The following CAMK2A variants were observed in gnomAD, a reference collection of about 807,000 sequenced individuals.
CAMK2A encodes calcium/calmodulin dependent protein kinase II alpha, also known as calcium/calmodulin-dependent protein kinase type II subunit alpha.
Under a neutral mutation model 79.2 loss-of-function variants are expected in CAMK2A, and 7 were observed. The observed-to-expected ratio is 0.09, with a 90% CI of 0.05 to 0.17. The LOEUF is 0.17. CAMK2A is among the 10% of genes least tolerant of loss of function. CAMK2A has a pLI of 1.00. For missense variants in CAMK2A, 214 were observed against 646.4 expected (o/e 0.33, Z 7.25); for synonymous variants, 242 against 251.7 (o/e 0.96, Z 0.36).
chr5:150,253,419 A>G, intron 7 of CAMK2A, 25 bp downstream of exon 7: 1 of 1,568,066 alleles, frequency 6.4e-7, no homozygotes, highest in Non-Finnish European at 8.8e-7. Context: ...GACCCCCAAC[A>G]CTTCTGCCAG....
chr5:150,252,696 T>C (rs1033193107), intron 7 of CAMK2A, among the ~76,000 whole-genome samples: 1 of 152,216 alleles, frequency 6.6e-6, no homozygotes. Flanking sequence ...TTAAGAACAC[T>C]TACAAGTTAC....
At position 150,223,189 on chromosome 5, in the gene CAMK2A, G is replaced by A. The variant is rs1197667614; in HGVS notation, c.1266C>T (p.His422=). ...GGATGTGGGGATTCAGGATGGTGGT[G>A]TGCACGGGCTTGCTGTTCCGGGACC... ...NLWSRNSKPV[H]TTILNPHIHL... The change falls in exon 18 of 19, where the codon CAC becomes CAT. Residue 422 remains histidine (H), a synonymous_variant. Transcript: ENST00000671881. The surrounding 1 kb of genome is among the most constrained non-coding windows in gnomAD (Gnocchi z 4.1). The A allele has an allele frequency of 9.9e-6, 16 of 1,613,836 alleles. No homozygotes were observed. Among genetic ancestry groups the A allele is most frequent in the East Asian group, 2.2e-5 (1 of 44,894 alleles).
At chr5:150,269,233 C>T (rs1756636763) in intron 2 of CAMK2A, among the ~76,000 whole-genome samples, 1 of 152,100 alleles carries the variant, frequency 6.6e-6, no homozygotes, top group Admixed American at 6.5e-5. Flanking sequence ...TGCTTCCTCC[C>T]CAGATGGTTG....
rs941182636 is a variant in CAMK2A at position 150,221,413 on chromosome 5, A to C, written c.*1297T>G. 5.0e-6 allele frequency: 2 copies of C among 398,770 alleles called. No homozygotes were observed. Among genetic ancestry groups the C allele is most frequent in the Non-Finnish European group, 8.8e-6 (2 of 226,084 alleles). The allele number at this position is 398,770 out of a possible 1,614,324, so 24.7% of individuals were successfully genotyped here. A position where few individuals can be genotyped will look rare whatever the true frequency, so the allele number is the denominator to read the frequency against. On this transcript the variant is annotated 3_prime_UTR_variant, in exon 19 of 19. Transcript: ENST00000671881. ...CCAAGGGGAGAGAGGCAATGAAGAC[A>C]CACGCTCACGGGCCCCCCAGAGGTG...
At chr5:150,242,526 G>A (rs74917812) in intron 13 of CAMK2A, among the ~76,000 whole-genome samples, 4,578 of 152,298 alleles carry the variant, frequency 0.03, 241 homozygotes, top group African/African-American at 0.1. Flanking sequence ...TAGGAGGAAT[G>A]TGTGCCTCCC....
intron 17 of CAMK2A, among the ~76,000 whole-genome samples, chr5:150,226,211 G>A (rs1051877159): frequency 3.3e-5 from 5 of 152,172 alleles, no homozygotes; most frequent in African/African-American, 7.2e-5. Flanking sequence ...TCCCAGTGGG[G>A]TTTGCTAATG....
chr5:150,239,278 C>G (rs921911898), intron 14 of CAMK2A, among the ~76,000 whole-genome samples: 1 of 152,170 alleles, frequency 6.6e-6, no homozygotes, highest in Non-Finnish European at 1.5e-5. Flanking sequence ...CACCGGCGGG[C>G]CTGGTAGCCT....
In CAMK2A at chr5:150,273,086, T is replaced by A. The variant is rs1356458925; in HGVS notation, c.136A>T (p.Thr46Ser). The A allele has an allele frequency of 6.2e-7, 1 of 1,613,530 alleles. No homozygotes were observed. The highest frequency in any genetic ancestry group is 8.5e-7 in the Non-Finnish European group (1 of 1,179,840). ...GQEYAAKIINTKKLSARDHQK... is the reference protein window; with the variant it reads ...GQEYAAKIINSKKLSARDHQK... Reference sequence around the variant, plus strand: ...CTACCTCTGGCTGACAGCTTCTTTGTGTTGATGATCTTGGCAGCATACTCC... The same window carrying A: ...CTACCTCTGGCTGACAGCTTCTTTGAGTTGATGATCTTGGCAGCATACTCC... The change falls in exon 2 of 19, where the codon ACA becomes TCA. Residue 46 changes from threonine (T) to serine (S), a missense_variant. Thr to Ser is a moderately conservative substitution (Grantham distance 58, BLOSUM62 1). This residue lies in a region of CAMK2A where 72 missense variants were observed against 333.9 expected (regional missense o/e 0.22). Transcript: ENST00000671881.
chr5:150,289,787 TGG>T, upstream of CAMK2A: 1 of 561,348 alleles, frequency 1.8e-6, no homozygotes. Context: ...CAGGGCACTG[TGG>T]CTGCTCACAG....
Position 150,221,873 on chromosome 5 carries a change from C to T in CAMK2A, c.*837G>A, listed in dbSNP as rs560119760. The T allele has an allele frequency of 7.7e-5, 27 of 350,446 alleles. No homozygotes were observed. Among genetic ancestry groups the T allele is most frequent in the South Asian group, 7.5e-4 (5 of 6,710 alleles). The allele number at this position is 350,446 out of a possible 1,614,324, so 21.7% of individuals were successfully genotyped here. ...TAGTTATTACATAAATATCCATTAA[C>T]GCGAAATCCATTTACGAAATACACA... is the stretch of plus-strand genomic sequence containing the variant. On this transcript the variant is annotated 3_prime_UTR_variant, in exon 19 of 19. Coordinates refer to ENST00000671881, the MANE Select transcript of CAMK2A (RefSeq NM_015981.4).
intron 17 of CAMK2A, among the ~76,000 whole-genome samples, chr5:150,225,750 TTATTA>T (rs1754571076): frequency 9.8e-5 from 4 of 40,988 alleles, no homozygotes; most frequent in African/African-American, 1.8e-4. Flanking sequence ...ATTATTATTA[TTATTA>T]TTTTTTTTAG....
chr5:150,288,840 G>A (rs1757543799), intron 1 of CAMK2A, among the ~76,000 whole-genome samples: 1 of 152,142 alleles, frequency 6.6e-6, no homozygotes, highest in South Asian at 2.1e-4. Context: ...GCAGTCATCA[G>A]GGCAGAAAAT....
chr5:150,251,892 T>TG (rs1562166223), intron 8 of CAMK2A, 48 bp from the exon 9 acceptor site: 4 of 1,535,522 alleles, frequency 2.6e-6, no homozygotes, highest in South Asian at 2.3e-5. Flanking sequence ...GGAGGAGACA[T>TG]GGGGGGAGGG....
intron 13 of CAMK2A, among the ~76,000 whole-genome samples, chr5:150,241,338 C>T (rs1170911083): frequency 6.7e-6 from 1 of 150,104 alleles, no homozygotes; most frequent in Non-Finnish European, 1.5e-5. Flanking sequence ...CCCTCCTCTC[C>T]TTCCTCTCCT....
chr5:150,233,770 C>A (rs576612911), intron 15 of CAMK2A, among the ~76,000 whole-genome samples: 1 of 152,200 alleles, frequency 6.6e-6, no homozygotes, highest in Admixed American at 6.5e-5. Context: ...CCTAGCCCAG[C>A]CAGTCACCTC....
At chr5:150,277,041 G>A (rs945879853) in intron 1 of CAMK2A, among the ~76,000 whole-genome samples, 2 of 152,164 alleles carry the variant, frequency 1.3e-5, no homozygotes, top group African/African-American at 2.4e-5. Flanking sequence ...ACCAGCCTGG[G>A]CAACATGGCG....
chr5:150,238,574 A>T, intron 15 of CAMK2A, 126 bp downstream of exon 15: 1 of 946,106 alleles, frequency 1.1e-6, no homozygotes, highest in Non-Finnish European at 1.7e-6. Context: ...ATAAGGCACC[A>T]GAGCGAAGCT....
chr5:150,265,044 C>G (rs1327950047), intron 2 of CAMK2A, 29 bp from the exon 3 acceptor site: 3 of 1,558,660 alleles, frequency 1.9e-6, no homozygotes, highest in Non-Finnish European at 2.7e-6. Context: ...TGTGAGTCCC[C>G]GGTGAGGAAG....
At chr5:150,241,028 G>A (rs1481545752) in intron 13 of CAMK2A, among the ~76,000 whole-genome samples, 1 of 152,194 alleles carries the variant, frequency 6.6e-6, no homozygotes, top group African/African-American at 2.4e-5. Context: ...AGGCCCCCAG[G>A]TTATTCTCAT....
Sources: allele counts gnomAD v4.1 joint callset (sites outside exome capture counted in the v4.1 genomes callset), GRCh38; gene constraint gnomAD v4.1.1; regional missense constraint gnomAD v4.1.1; non-coding constraint Gnocchi (gnomAD v3.1); transcripts MANE v1.5; gene names NCBI Gene and HGNC (gene_info 2026-07-23, HGNC 2026-07-21).